Variants in ABRAXAS2 observed in about 807,000 individuals in gnomAD.
ABRAXAS2 encodes the protein abraxas 2, BRISC complex subunit, also known as BRISC complex subunit Abraxas 2.
In ABRAXAS2, 23 loss-of-function variants were observed where a neutral mutation model predicts 49.0. The observed-to-expected ratio is 0.47, with a 90% CI of 0.34 to 0.66. The LOEUF is 0.66. ABRAXAS2 is among the 30% of genes least tolerant of loss of function. The probability of loss-of-function intolerance (pLI) is 0.01; values close to 1 mark genes in which losing one functional copy is unlikely to be tolerated. For missense variants in ABRAXAS2, 443 were observed against 511.9 expected, an observed-to-expected ratio of 0.87 and a Z score of 1.30; for synonymous variants, 168 against 180.2, an observed-to-expected ratio of 0.93 and a Z score of 0.54.
Position 124,834,715 on chromosome 10 carries a change from T to C in ABRAXAS2, c.992T>C (p.Met331Thr). Residue 331 changes from methionine to threonine, a missense_variant, in exon 9 of 9, where the codon ATG becomes ACG. Around this residue, in one of 3 missense-constraint regions of ABRAXAS2, gnomAD observed 230 missense variants for 237.0 expected, o/e 0.97. Transcript: ENST00000298492. ...SHSRMERSVF[M>T]PRPQAVGSSN... ...TCTCGCATGGAAAGGAGTGTCTTTA[T>C]GCCTCGACCTCAAGCTGTGGGCTCT... is the stretch of plus-strand genomic sequence containing the variant. 6.2e-7 allele frequency: 1 copy of C among 1,614,186 alleles called. No homozygotes were observed. The highest frequency in any genetic ancestry group is 8.5e-7 in the Non-Finnish European group (1 of 1,180,040).
intron 1 of ABRAXAS2, among the ~76,000 whole-genome samples, chr10:124,806,212 A>G (rs1431270180): frequency 6.6e-6 from 1 of 151,948 alleles, no homozygotes; most frequent in East Asian, 1.9e-4. Flanking sequence ...AGGCTGAGAC[A>G]GGAGAATGGC....
intron 2 of ABRAXAS2, among the ~76,000 whole-genome samples, chr10:124,811,084 G>A (rs1272362938): frequency 2.0e-5 from 3 of 151,468 alleles, no homozygotes; most frequent in Admixed American, 6.6e-5. Flanking sequence ...CCGGACAGGC[G>A]CCTGTAGTCC....
intron 1 of ABRAXAS2, among the ~76,000 whole-genome samples, chr10:124,802,703 G>A (rs1190286050): frequency 6.6e-6 from 1 of 152,190 alleles, no homozygotes; most frequent in South Asian, 2.1e-4. Flanking sequence ...CTTAAAGGAG[G>A]TATATAATTT....
At chr10:124,803,307 G>A (rs1388746439) in intron 1 of ABRAXAS2, among the ~76,000 whole-genome samples, 1 of 152,212 alleles carries the variant, frequency 6.6e-6, no homozygotes, top group Non-Finnish European at 1.5e-5. Context: ...GTTTGCAACT[G>A]TGTTTTATAT....
rs761365510 is a variant in ABRAXAS2, at chr10:124,801,952, T to C, written c.72+51T>C. ...CCGCTGGGGGCTTTCAGCCTCTGTC[T>C]CAGGCCGGCGCTCGCGGCCAAGCCG... is the stretch of plus-strand genomic sequence containing the variant. On this transcript the variant is annotated intron_variant, in intron 1 of 8. Transcript: ENST00000298492. 6 of 1,580,918 alleles carry C rather than the reference T, an allele frequency of 3.8e-6. No individual in the cohort carries two copies. The African/African-American group carries it at 4.1e-5, about 11-fold the overall frequency.
intron 4 of ABRAXAS2, among the ~76,000 whole-genome samples, chr10:124,824,162 A>C (rs1254759326): frequency 6.6e-6 from 1 of 152,126 alleles, no homozygotes; most frequent in South Asian, 2.1e-4. Flanking sequence ...TTGGCCTCCC[A>C]AAGTGCTTGG....
At chr10:124,826,926 A>G in intron 5 of ABRAXAS2, 141 bp downstream of exon 5, 1 of 805,266 alleles carries the variant, frequency 1.2e-6, no homozygotes, top group Non-Finnish European at 2.0e-6. Flanking sequence ...ATCCTGGCCA[A>G]CATGGTGAAA....
In ABRAXAS2 at chr10:124,826,751, G is replaced by A. The variant is rs1950898598; in HGVS notation, c.424G>A (p.Ala142Thr). ...CTCCACTGCCAACAATTCCACTCAC[G>A]CTTTAGAATATGTGCTCTTCAGACC... ...FISTANNSTH[A>T]LEYVLFRPNR... The change falls in exon 5 of 9, where the codon GCT (alanine) becomes ACT (threonine). Residue 142 changes from alanine (A) to threonine (T), a missense_variant. Coordinates refer to ENST00000298492, the MANE Select transcript of ABRAXAS2 (RefSeq NM_032182.4). 3 of 1,614,106 alleles carry A rather than the reference G, an allele frequency of 1.9e-6. No homozygotes were observed. The highest frequency in any genetic ancestry group is 2.5e-6 in the Non-Finnish European group (3 of 1,180,028).
At chr10:124,822,666 C>T (rs1950869088) in intron 4 of ABRAXAS2, among the ~76,000 whole-genome samples, 1 of 151,906 alleles carries the variant, frequency 6.6e-6, no homozygotes, top group South Asian at 2.1e-4. Context: ...ATGGCGGATG[C>T]CTGTAATCCC....
chr10:124,806,420 G>T (rs1472532730), intron 1 of ABRAXAS2, among the ~76,000 whole-genome samples: 1 of 151,934 alleles, frequency 6.6e-6, no homozygotes, highest in African/African-American at 2.4e-5. Flanking sequence ...GCATTTAGTT[G>T]TCATTGTGTT....
intron 4 of ABRAXAS2, among the ~76,000 whole-genome samples, chr10:124,823,016 A>G (rs867329466): frequency 6.6e-6 from 1 of 152,162 alleles, no homozygotes. Context: ...GCTAAAACAA[A>G]TGTTCGTGTT....
chr10:124,814,385 T>A (rs1396728489), intron 2 of ABRAXAS2, among the ~76,000 whole-genome samples: 1 of 152,176 alleles, frequency 6.6e-6, no homozygotes, highest in East Asian at 1.9e-4. Context: ...AGTCTCACTC[T>A]GTTGCCCAGG....
intron 4 of ABRAXAS2, among the ~76,000 whole-genome samples, chr10:124,822,622 G>T (rs1456478918): frequency 6.6e-6 from 1 of 152,030 alleles, no homozygotes; most frequent in Non-Finnish European, 1.5e-5. Context: ...GCAAAACCCT[G>T]TCTCTACAAA....
chr10:124,809,776 G>A (rs976372738), intron 2 of ABRAXAS2, among the ~76,000 whole-genome samples: 1 of 143,788 alleles, frequency 7.0e-6, no homozygotes, highest in African/African-American at 2.6e-5. Flanking sequence ...TTTTGAGACC[G>A]AGTTTCACTC....
intron 4 of ABRAXAS2, among the ~76,000 whole-genome samples, chr10:124,822,717 G>GGGAGGT (rs1564922865): frequency 1.3e-5 from 2 of 151,722 alleles, no homozygotes; most frequent in Admixed American, 6.6e-5. Flanking sequence ...GTTTGAACCC[G>GGGAGGT]GGAGGTGGAG....
intron 2 of ABRAXAS2, among the ~76,000 whole-genome samples, chr10:124,815,966 G>T (rs560049432): frequency 6.8e-6 from 1 of 146,878 alleles, no homozygotes; most frequent in Admixed American, 7.0e-5. Flanking sequence ...GCAGTGGCGC[G>T]ATCTCTGCTC....
Position 124,825,025 on chromosome 10 carries a change from A to G in ABRAXAS2, c.268-1570A>G, listed in dbSNP as rs1950888166. On this transcript the variant is annotated intron_variant, in intron 4 of 8. Transcript: ENST00000298492. The stretch of plus-strand genomic sequence containing the variant: ...CTTCGGACAAAACATCTCTTCTATC[A>G]GATTATATACTGAGGCCAGGCACAG... 2.0e-5 allele frequency among the ~76,000 whole-genome samples: 3 copies of G among 152,056 alleles called. 1 individual carries two copies. In the South Asian group the frequency reaches 6.2e-4, roughly 32 times the overall value.
Position 124,826,618 on chromosome 10 carries a change from C to A in ABRAXAS2, c.291C>A (p.Phe97Leu). 1 of 1,613,722 alleles carries A rather than the reference C, an allele frequency of 6.2e-7. No individual in the cohort carries two copies. The highest frequency in any genetic ancestry group is 8.5e-7 in the Non-Finnish European group (1 of 1,179,856). ...AGAAAGTCATTGGGTGGTACAGATT[C>A]CGGCGCAATACGCAGCAGCAGATGT... ...RRKKVIGWYR[F>L]RRNTQQQMSY... is the part of the protein sequence containing the mutation. Residue 97 changes from phenylalanine (F) to leucine (L), a missense_variant, in exon 5 of 9, where the codon TTC becomes TTA. Transcript: ENST00000298492.
chr10:124,829,069 T>C (rs765312028), intron 6 of ABRAXAS2, among the ~76,000 whole-genome samples, 194 bp downstream of exon 6: 5 of 152,254 alleles, frequency 3.3e-5, no homozygotes, highest in Admixed American at 1.3e-4. Flanking sequence ...TAGTTTACTT[T>C]TATGAATTTT....
Sources: allele counts gnomAD v4.1 joint callset (sites outside exome capture counted in the v4.1 genomes callset), GRCh38; gene constraint gnomAD v4.1.1; regional missense constraint gnomAD v4.1.1; transcripts MANE v1.5; gene names NCBI Gene and HGNC (gene_info 2026-07-23, HGNC 2026-07-21).